Variants in NCKAP5 observed in about 807,000 individuals in gnomAD.
The protein encoded by NCKAP5 is NCK associated protein 5, also known as nck-associated protein 5.
A neutral mutation model predicts 167.0 loss-of-function variants in NCKAP5; 92 were observed. The observed-to-expected ratio is 0.55, with a 90% confidence interval of 0.47 to 0.66. The LOEUF (loss-of-function observed/expected upper bound fraction) is 0.66. Ranked by LOEUF, NCKAP5 falls within the 30% of genes least tolerant of loss-of-function variation. NCKAP5 has a pLI of 0.00. For missense variants in NCKAP5, 2,378 were observed against 2,315.0 expected (o/e 1.03, Z -0.56); for synonymous variants, 891 against 877.4 (o/e 1.02, Z -0.27).
chr2:132,924,843 G>A (rs771896259), intron 8 of NCKAP5, among the ~76,000 whole-genome samples: 3 of 151,790 alleles, frequency 2.0e-5, no homozygotes, highest in Non-Finnish European at 2.9e-5. Context: ...CAGAATTGAC[G>A]TGAAAAAAAT....
intron 3 of NCKAP5, among the ~76,000 whole-genome samples, chr2:133,381,244 G>A (rs922066880): frequency 3.7e-4 from 57 of 152,244 alleles, no homozygotes; most frequent in African/African-American, 1.3e-3. Context: ...CAGTCATGGT[G>A]CTTTCTCATC....
intron 4 of NCKAP5, among the ~76,000 whole-genome samples, chr2:133,259,662 A>T (rs2088805843): frequency 6.6e-6 from 1 of 152,228 alleles, no homozygotes; most frequent in African/African-American, 2.4e-5. Flanking sequence ...ACAGATACAA[A>T]GTCGTGGTGT....
At chr2:133,369,693 A>C (rs1221018790) in intron 3 of NCKAP5, among the ~76,000 whole-genome samples, 1 of 152,252 alleles carries the variant, frequency 6.6e-6, no homozygotes, top group African/African-American at 2.4e-5. Context: ...TTTCATAAAC[A>C]AGCAAAATTC....
At chr2:132,730,247 A>C (rs558497435) in intron 17 of NCKAP5, among the ~76,000 whole-genome samples, 1 of 152,300 alleles carries the variant, frequency 6.6e-6, no homozygotes, top group East Asian at 1.9e-4. Context: ...TAATCCCAGC[A>C]CTTTGGGAGG....
At chr2:133,223,311 A>C (rs953352106) in intron 4 of NCKAP5, among the ~76,000 whole-genome samples, 1 of 152,176 alleles carries the variant, frequency 6.6e-6, no homozygotes, top group Non-Finnish European at 1.5e-5. Context: ...CCCAAGAATA[A>C]GAGCCCGGTG....
At chr2:133,332,456 G>A (rs1682921779) in intron 3 of NCKAP5, among the ~76,000 whole-genome samples, 4 of 151,964 alleles carry the variant, frequency 2.6e-5, no homozygotes, top group Admixed American at 2.6e-4. Context: ...AAATTTTCAG[G>A]TCTTTTTATG....
chr2:133,087,454 T>C (rs980409073), intron 6 of NCKAP5, among the ~76,000 whole-genome samples: 1 of 152,244 alleles, frequency 6.6e-6, no homozygotes, highest in African/African-American at 2.4e-5. Context: ...GTGTTCTCCA[T>C]ATTCGTTCAA....
chr2:133,057,888 G>A (rs1018954466), intron 6 of NCKAP5, among the ~76,000 whole-genome samples: 1 of 152,224 alleles, frequency 6.6e-6, no homozygotes, highest in Admixed American at 6.5e-5. Flanking sequence ...GTCAAAGCCT[G>A]GCTTTAACGG....
At chr2:133,383,311 C>T (rs536235175) in intron 3 of NCKAP5, among the ~76,000 whole-genome samples, 9 of 152,106 alleles carry the variant, frequency 5.9e-5, no homozygotes, top group Middle Eastern at 6.3e-3. Context: ...TGACAACATG[C>T]GGTGTTTGGT....
intron 8 of NCKAP5, among the ~76,000 whole-genome samples, chr2:132,929,123 A>AGGCAG (rs1276149355): frequency 6.6e-6 from 1 of 152,228 alleles, no homozygotes; most frequent in Non-Finnish European, 1.5e-5. Flanking sequence ...GCAAGCAAGA[A>AGGCAG]GGCAGAACTC....
intron 4 of NCKAP5, among the ~76,000 whole-genome samples, chr2:133,223,713 A>G (rs917509786): frequency 1.3e-5 from 2 of 152,198 alleles, no homozygotes; most frequent in Admixed American, 6.5e-5. Flanking sequence ...AGGAGACTCT[A>G]TCAACATCCA....
chr2:133,627,472 T>C, the NCKAP5 span, among the ~76,000 whole-genome samples: 1 of 152,100 alleles, frequency 6.6e-6, no homozygotes, highest in South Asian at 2.1e-4. Flanking sequence ...TTTGGCAATA[T>C]ACATTAAGAA....
intron 6 of NCKAP5, among the ~76,000 whole-genome samples, chr2:133,071,754 A>G (rs2080413978): frequency 6.6e-6 from 1 of 152,208 alleles, no homozygotes; most frequent in Non-Finnish European, 1.5e-5. Context: ...AAAAATCAGT[A>G]CATTTCAGGG....
chr2:133,569,452 G>T (rs1021137421), upstream of NCKAP5, among the ~76,000 whole-genome samples: 10 of 152,078 alleles, frequency 6.6e-5, no homozygotes, highest in Admixed American at 5.2e-4. Context: ...TTTTTAGTTT[G>T]TTTTTTAGCC....
intron 4 of NCKAP5, chr2:133,284,738 C>G (rs2090047000): frequency 6.6e-6 from 1 of 152,198 alleles, no homozygotes; most frequent in African/African-American, 2.4e-5. Flanking sequence ...CATGAAGACT[C>G]AGGACTTTGA....
At chr2:133,075,085 G>C (rs2080553734) in intron 6 of NCKAP5, among the ~76,000 whole-genome samples, 1 of 152,150 alleles carries the variant, frequency 6.6e-6, no homozygotes, top group Middle Eastern at 3.4e-3. Context: ...GAAAACCAAA[G>C]ACACAGGAAA....
intron 3 of NCKAP5, chr2:133,334,068 T>G (rs1359136796): frequency 6.6e-6 from 1 of 152,268 alleles, no homozygotes; most frequent in Non-Finnish European, 1.5e-5. Context: ...AAGAAGGCCG[T>G]TAGTGATCCG....
At chr2:132,976,163 T>C (rs1390812995) in intron 7 of NCKAP5, among the ~76,000 whole-genome samples, 1 of 152,168 alleles carries the variant, frequency 6.6e-6, no homozygotes, top group Admixed American at 6.5e-5. Context: ...CAACTACCTA[T>C]GGAATCTAAA....
chr2:132,987,488 G>C (rs2077322135), intron 7 of NCKAP5, among the ~76,000 whole-genome samples: 1 of 152,088 alleles, frequency 6.6e-6, no homozygotes, highest in Non-Finnish European at 1.5e-5. Flanking sequence ...TATGTTTAAA[G>C]AATTATTTAA....
Sources: allele counts gnomAD v4.1 joint callset (sites outside exome capture counted in the v4.1 genomes callset), GRCh38; gene constraint gnomAD v4.1.1; transcripts MANE v1.5; gene names NCBI Gene and HGNC (gene_info 2026-07-23, HGNC 2026-07-21).